The following VPS54 variants were observed in gnomAD, a reference collection of about 807,000 sequenced individuals.
The protein encoded by VPS54 is VPS54 subunit of GARP complex, also known as vacuolar protein sorting-associated protein 54.
Under a neutral mutation model 121.5 loss-of-function variants are expected in VPS54, and 45 were observed. The observed-to-expected ratio is 0.37, with a 90% confidence interval of 0.29 to 0.47. The LOEUF (loss-of-function observed/expected upper bound fraction) is 0.47. VPS54 is among the 20% of genes least tolerant of loss of function. The pLI, the probability that VPS54 is intolerant of heterozygous loss-of-function variation, is 0.99. For synonymous variants in VPS54, 371 were observed against 385.8 expected, an observed-to-expected ratio of 0.96 and a Z score of 0.45; for missense variants, 1,090 against 1,131.4, an observed-to-expected ratio of 0.96 and a Z score of 0.52.
At chr2:63,973,047 G>A (rs1325539968) in intron 3 of VPS54, among the ~76,000 whole-genome samples, 1 of 152,112 alleles carries the variant, frequency 6.6e-6, no homozygotes, top group Non-Finnish European at 1.5e-5. Flanking sequence ...GTGGTAACAA[G>A]AAAAGCAGCA....
At chr2:63,920,852 A>C (rs1673609780) in intron 13 of VPS54, among the ~76,000 whole-genome samples, 1 of 152,106 alleles carries the variant, frequency 6.6e-6, no homozygotes, top group African/African-American at 2.4e-5. Flanking sequence ...CATACTATAA[A>C]ATTTTCACAA....
At chr2:63,948,471 C>T (rs1675093951) in intron 8 of VPS54, among the ~76,000 whole-genome samples, 1 of 135,780 alleles carries the variant, frequency 7.4e-6, no homozygotes, top group Non-Finnish European at 1.5e-5. Context: ...TCATGGCTCA[C>T]TAACAGCCTC....
At chr2:63,984,587 T>C (rs1676954161) in intron 1 of VPS54, among the ~76,000 whole-genome samples, 1 of 152,194 alleles carries the variant, frequency 6.6e-6, no homozygotes, top group Non-Finnish European at 1.5e-5. Flanking sequence ...TTGTAATTAT[T>C]ACTATGATGT....
At chr2:63,975,485 C>G (rs560479707) in intron 3 of VPS54, 2 of 155,372 alleles carry the variant, frequency 1.3e-5, no homozygotes, top group East Asian at 3.8e-4. Context: ...TCCCCCTAAA[C>G]TGCTCCTAAG....
chr2:64,018,200 C>T (rs911427652), intron 1 of VPS54, among the ~76,000 whole-genome samples: 1 of 152,078 alleles, frequency 6.6e-6, no homozygotes, highest in East Asian at 1.9e-4. Context: ...CAATTTAATT[C>T]TTCGAAAGAG....
intron 6 of VPS54, among the ~76,000 whole-genome samples, chr2:63,964,556 C>G (rs1411920967): frequency 6.6e-6 from 1 of 152,172 alleles, no homozygotes. Flanking sequence ...AAGCCTGTGT[C>G]TCTAAACCCA....
At chr2:63,984,643 A>C (rs1302049929) in intron 1 of VPS54, among the ~76,000 whole-genome samples, 1 of 152,198 alleles carries the variant, frequency 6.6e-6, no homozygotes, top group Non-Finnish European at 1.5e-5. Context: ...ATAGTAATTA[A>C]ATTCTTTAAA....
chr2:64,001,563 G>A (rs569325589), intron 1 of VPS54, among the ~76,000 whole-genome samples: 2 of 152,018 alleles, frequency 1.3e-5, no homozygotes, highest in Non-Finnish European at 1.5e-5. Context: ...AGGGCCCAAG[G>A]GCCCTTTAGT....
At chr2:63,979,882 T>C (rs148509121) in intron 3 of VPS54, among the ~76,000 whole-genome samples, 144 of 152,298 alleles carry the variant, frequency 9.5e-4, no homozygotes, top group African/African-American at 3.1e-3. Context: ...TTAAAATTTG[T>C]TTTCAAACCT....
intron 7 of VPS54, among the ~76,000 whole-genome samples, chr2:63,950,998 G>T (rs941765844): frequency 2.0e-5 from 3 of 152,048 alleles, no homozygotes; most frequent in African/African-American, 7.2e-5. Context: ...TCCAGCTTTA[G>T]ATCCTTCACT....
At chr2:63,911,985 T>G (rs185368423) in intron 20 of VPS54, among the ~76,000 whole-genome samples, 134 of 152,286 alleles carry the variant, frequency 8.8e-4, no homozygotes, top group African/African-American at 3.1e-3. Context: ...GAAATGAATG[T>G]TGAAATGAAT....
At chr2:63,908,094 T>A (rs1018748576) in intron 20 of VPS54, among the ~76,000 whole-genome samples, 13 of 152,138 alleles carry the variant, frequency 8.5e-5, no homozygotes, top group African/African-American at 3.1e-4. Flanking sequence ...TGTAAACACA[T>A]ACCTACACAA....
chr2:63,928,641 T>A (rs1447725177), intron 12 of VPS54, among the ~76,000 whole-genome samples: 1 of 151,986 alleles, frequency 6.6e-6, no homozygotes, highest in African/African-American at 2.4e-5. Flanking sequence ...AATGACAGGA[T>A]CAAATTCACA....
intron 11 of VPS54, among the ~76,000 whole-genome samples, chr2:63,938,015 A>AGGGGATT (rs1674531123): frequency 6.7e-6 from 1 of 148,638 alleles, no homozygotes; most frequent in Admixed American, 6.7e-5. Context: ...GGTGGTTGCC[A>AGGGGATT]GGGGATTGGG....
intron 1 of VPS54, among the ~76,000 whole-genome samples, chr2:64,017,094 C>T (rs1354827229): frequency 1.4e-5 from 2 of 147,710 alleles, no homozygotes; most frequent in Non-Finnish European, 3.0e-5. Flanking sequence ...CTAATCCCAG[C>T]ACTCTGGGAG....
chr2:63,905,061 G>A (rs1003342856), intron 20 of VPS54, among the ~76,000 whole-genome samples: 1 of 151,990 alleles, frequency 6.6e-6, no homozygotes, highest in African/African-American at 2.4e-5. Context: ...GTACATAAAG[G>A]AAAACACAGA....
At chr2:63,917,739 C>T (rs1163746504) in intron 15 of VPS54, among the ~76,000 whole-genome samples, 1 of 151,988 alleles carries the variant, frequency 6.6e-6, no homozygotes, top group Non-Finnish European at 1.5e-5. Context: ...GTCTTCATCA[C>T]TTCTCTATAT....
intron 20 of VPS54, among the ~76,000 whole-genome samples, chr2:63,901,332 AAAG>A (rs1352928446): frequency 6.6e-6 from 1 of 152,216 alleles, no homozygotes; most frequent in Non-Finnish European, 1.5e-5. Flanking sequence ...CAGAGCATAA[AAAG>A]AAGAGGTAAC....
chr2:63,974,007 T>C (rs1443120120), intron 3 of VPS54, among the ~76,000 whole-genome samples: 1 of 152,224 alleles, frequency 6.6e-6, no homozygotes, highest in Admixed American at 6.5e-5. Flanking sequence ...TTCTTTCATA[T>C]CTAAAAAGCC....
Sources: allele counts gnomAD v4.1 joint callset (sites outside exome capture counted in the v4.1 genomes callset), GRCh38; gene constraint gnomAD v4.1.1; transcripts MANE v1.5; gene names NCBI Gene and HGNC (gene_info 2026-07-23, HGNC 2026-07-21).